The following HEATR4 variants were observed in gnomAD, a reference collection of about 807,000 sequenced individuals.
HEATR4 encodes HEAT repeat-containing protein 4.
Under a neutral mutation model 108.8 loss-of-function variants are expected in HEATR4, and 95 were observed. The observed-to-expected ratio is 0.87, with a 90% CI of 0.74 to 1.04. The LOEUF is 1.04. Among genes scored for constraint, HEATR4 ranks in the 50% least tolerant of loss-of-function variants. The pLI, the probability that HEATR4 is intolerant of heterozygous loss-of-function variation, is 0.00. For missense variants in HEATR4, 1,152 were observed against 1,253.8 expected (o/e 0.92, Z 1.23); for synonymous variants, 443 against 459.4 (o/e 0.96, Z 0.46).
chr14:73,576,185 TA>T, the HEATR4 span, among the ~76,000 whole-genome samples: 4 of 151,544 alleles, frequency 2.6e-5, no homozygotes, highest in Non-Finnish European at 4.4e-5. Context: ...ATTAATTAAT[TA>T]ATTAAATGAT....
chr14:73,500,422 C>G (rs926307548), intron 12 of HEATR4, 128 bp downstream of exon 12: 2 of 1,009,620 alleles, frequency 2.0e-6, no homozygotes, highest in Non-Finnish European at 2.9e-6. Context: ...GGCTTATACA[C>G]CCCCTTCCCA....
At chr14:73,615,457 G>A in the HEATR4 span, among the ~76,000 whole-genome samples, 2 of 146,880 alleles carry the variant, frequency 1.4e-5, no homozygotes, top group Non-Finnish European at 1.5e-5. Context: ...AAGACTGGGC[G>A]CAGTGGCTTA....
intron 1 of HEATR4, among the ~76,000 whole-genome samples, chr14:73,549,132 T>A (rs1595160879): frequency 8.7e-6 from 1 of 114,756 alleles, no homozygotes; most frequent in South Asian, 2.8e-4. Flanking sequence ...TCCTCATAGA[T>A]AGCACCATCT....
chr14:73,496,523 T>C, intron 15 of HEATR4, 78 bp downstream of exon 15: 2 of 850,942 alleles, frequency 2.4e-6, no homozygotes, highest in Non-Finnish European at 4.1e-6. Flanking sequence ...GGTATGTACA[T>C]GTTTGAGGAG....
the HEATR4 span, chr14:73,591,607 TC>T: frequency 8.4e-6 from 2 of 239,506 alleles, no homozygotes; most frequent in Admixed American, 5.6e-5. Flanking sequence ...TTTGGCTTGA[TC>T]TCATTGGCTT....
chr14:73,522,620 G>A lies in HEATR4; in HGVS notation c.533C>T (p.Pro178Leu). 6.2e-7 allele frequency: 1 copy of A among 1,614,240 alleles called. No homozygotes were observed. ...PCMHPDMLGRPPSLDVNLEER... is the reference protein window; with the variant it reads ...PCMHPDMLGRLPSLDVNLEER... ...CTCCAGGTTCACATCTAGAGAAGGT[G>A]GCCGACCCAGCATATCTGGATGCAT... Residue 178 changes from proline to leucine, a missense_variant, in exon 3 of 18, where the codon CCA (proline) becomes CTA (leucine). By Grantham distance (98) the Pro-to-Leu change is moderately conservative. Transcript: ENST00000553558.
the HEATR4 span, among the ~76,000 whole-genome samples, chr14:73,583,728 G>A: frequency 2.0e-5 from 3 of 152,096 alleles, no homozygotes; most frequent in Non-Finnish European, 2.9e-5. Flanking sequence ...GGCCAGGCGC[G>A]GTGGCTCACG....
At chr14:73,588,732 A>G in the HEATR4 span, among the ~76,000 whole-genome samples, 1 of 152,128 alleles carries the variant, frequency 6.6e-6, no homozygotes. Flanking sequence ...CATTGGATCA[A>G]TCAAATGTTA....
chr14:73,484,973 A>G (rs1885396322), intron 17 of HEATR4, among the ~76,000 whole-genome samples: 1 of 151,928 alleles, frequency 6.6e-6, no homozygotes, highest in Non-Finnish European at 1.5e-5. Flanking sequence ...AGACCAGCTT[A>G]GCCAATATGG....
chr14:73,629,283 GTA>G, the HEATR4 span, among the ~76,000 whole-genome samples: 1 of 152,164 alleles, frequency 6.6e-6, no homozygotes, highest in Non-Finnish European at 1.5e-5. Flanking sequence ...ATAGACTACA[GTA>G]TATTATACAC....
rs373861116 is a variant in HEATR4 at position 73,506,466 on chromosome 14, C to T, written c.1986+1G>A. On this transcript the variant is annotated splice_donor_variant, in intron 10 of 17. Transcript: ENST00000553558. LOFTEE classifies it high-confidence loss of function. ...TCCTGGAGGCAAAGAAAGAGGTTTA[C>T]CAAGCAGACATTTCCACTGATCCGG... 7 of 1,611,908 alleles carry T rather than the reference C, an allele frequency of 4.3e-6. No individual in the cohort carries two copies. Among genetic ancestry groups the T allele is most frequent in the Admixed American group, 1.7e-5 (1 of 59,982 alleles).
the HEATR4 span, chr14:73,619,433 C>T: frequency 3.7e-6 from 6 of 1,614,120 alleles, no homozygotes; most frequent in Non-Finnish European, 5.1e-6. Flanking sequence ...ATCACTAAGT[C>T]AGGATTTCTC....
the HEATR4 span, among the ~76,000 whole-genome samples, chr14:73,615,388 T>TACAA: frequency 1.6e-5 from 1 of 63,338 alleles, no homozygotes; most frequent in Non-Finnish European, 2.7e-5. Context: ...CTCTGTCTGA[T>TACAA]AAAAAAAAAA....
chr14:73,591,776 CT>C, the HEATR4 span: 1 of 530,408 alleles, frequency 1.9e-6, no homozygotes, highest in Non-Finnish European at 2.9e-6. Context: ...CTACTTTTGC[CT>C]CAGACGAGTC....
the HEATR4 span, among the ~76,000 whole-genome samples, chr14:73,574,012 C>T: frequency 2.0e-5 from 3 of 150,284 alleles, no homozygotes; most frequent in East Asian, 4.0e-4. Flanking sequence ...AGGCATGAGC[C>T]ACTATGCCCA....
the HEATR4 span, among the ~76,000 whole-genome samples, chr14:73,570,305 C>A: frequency 2.0e-5 from 3 of 151,866 alleles, no homozygotes; most frequent in South Asian, 6.3e-4. Flanking sequence ...CGCAGTGGCT[C>A]ACGCTTGTAA....
chr14:73,526,245 C>G, intron 2 of HEATR4, among the ~76,000 whole-genome samples: 1 of 152,216 alleles, frequency 6.6e-6, no homozygotes, highest in East Asian at 1.9e-4. Flanking sequence ...ACATTTAGAT[C>G]AGCTCTGGGC....
At chr14:73,504,404 G>A (rs1248447323) in intron 10 of HEATR4, among the ~76,000 whole-genome samples, 3 of 151,994 alleles carry the variant, frequency 2.0e-5, no homozygotes, top group African/African-American at 4.8e-5. Flanking sequence ...CACCACACCC[G>A]CCTAATTTTT....
upstream of HEATR4, among the ~76,000 whole-genome samples, chr14:73,561,562 C>A (rs975076161): frequency 6.6e-6 from 1 of 151,874 alleles, no homozygotes; most frequent in African/African-American, 2.4e-5. Context: ...TGGCACACAC[C>A]TGTAGTCCCA....
Sources: gnomAD v4.1 joint callset for allele counts (sites outside exome capture counted in the v4.1 genomes callset) on GRCh38, gnomAD v4.1.1 for gene constraint, MANE v1.5 for transcripts, NCBI Gene and HGNC (gene_info 2026-07-23, HGNC 2026-07-21) for gene names.